The following NCAM1 variants were observed in gnomAD, a reference collection of about 807,000 sequenced individuals.
The protein encoded by NCAM1 is antigen recognized by monoclonal antibody 5.1H11.
In NCAM1, 14 loss-of-function variants were observed where a neutral mutation model predicts 109.8. The ratio of observed to expected loss-of-function variants is 0.13; its 90% CI spans 0.08 to 0.20. The LOEUF is 0.20. Among genes scored for constraint, NCAM1 ranks in the 10% least tolerant of loss-of-function variants. NCAM1 has a pLI of 1.00. For synonymous variants in NCAM1, 418 were observed against 442.9 expected (o/e 0.94, Z 0.70); for missense variants, 774 against 1,109.9 (o/e 0.70, Z 4.30).
At chr11:113,185,446 T>C (rs1943480134) in intron 1 of NCAM1, among the ~76,000 whole-genome samples, 1 of 152,158 alleles carries the variant, frequency 6.6e-6, no homozygotes, top group Admixed American at 6.5e-5. Flanking sequence ...GTTAATCTCA[T>C]TCAGAAACAC....
chr11:113,008,016 G>T (rs1166115280), intron 1 of NCAM1, among the ~76,000 whole-genome samples: 1 of 152,090 alleles, frequency 6.6e-6, no homozygotes, highest in Non-Finnish European at 1.5e-5. Context: ...AAGTAATAAG[G>T]CACCGTGTCA....
At position 113,275,309 on chromosome 11, in the gene NCAM1, A is replaced by T. The variant is rs1555126336; in HGVS notation, c.2499A>T (p.Glu833Asp). The T allele has an allele frequency of 1.2e-6, 2 of 1,613,698 alleles. No homozygotes were observed. Among genetic ancestry groups the T allele is most frequent in the African/African-American group, 2.7e-5 (2 of 74,892 alleles). The change falls in exon 20 of 20, where the codon GAA becomes GAT. Residue 833 changes from glutamate (E) to aspartate (D), a missense_variant. Glu to Asp is a conservative substitution (Grantham distance 45). Transcript: ENST00000316851. The part of the protein sequence containing the change: ...VEAKPECQET[E>D]TKPAPAEVKT... ...CAAAGCCAGAGTGCCAGGAGACAGA[A>T]ACGAAGCCAGCGCCAGCCGAAGTCA... is the stretch of plus-strand genomic sequence containing the variant.
At position 113,273,792 on chromosome 11, in the gene NCAM1, G is replaced by A. The variant is rs1555126015; in HGVS notation, c.2457-1475G>A. Reference sequence around the variant, plus strand: ...TGCTGTCATCGGGTTGTGTCCTGTGGTGGTGTGCATTTGTGCTGTGCTGTG... The same window carrying A: ...TGCTGTCATCGGGTTGTGTCCTGTGATGGTGTGCATTTGTGCTGTGCTGTG... On this transcript the variant is annotated intron_variant, in intron 19 of 19. Transcript: ENST00000316851. The surrounding 1 kb of genome is among the most constrained non-coding windows in gnomAD (Gnocchi z 6.0). The A allele has an allele frequency of 2.5e-6, 1 of 394,986 alleles. No individual in the cohort carries two copies. Among genetic ancestry groups the A allele is most frequent in the African/African-American group, 2.1e-5 (1 of 48,294 alleles). 24.5% of individuals were successfully genotyped at this position (394,986 alleles called of 1,614,324 possible).
At chr11:113,216,651 TC>T (rs530663945) in intron 8 of NCAM1, among the ~76,000 whole-genome samples, 178 of 152,338 alleles carry the variant, frequency 1.2e-3, no homozygotes, top group African/African-American at 3.7e-3. Context: ...GTATTGTATT[TC>T]TTTTACTTGC....
intron 1 of NCAM1, among the ~76,000 whole-genome samples, chr11:113,187,764 C>G (rs1591398437): frequency 6.6e-6 from 1 of 152,094 alleles, no homozygotes; most frequent in African/African-American, 2.4e-5. Flanking sequence ...GCAACAGATT[C>G]GTTGTACCAG....
intron 1 of NCAM1, among the ~76,000 whole-genome samples, chr11:113,075,018 G>A (rs1938465760): frequency 6.6e-6 from 1 of 152,134 alleles, no homozygotes; most frequent in African/African-American, 2.4e-5. Context: ...TAGCACCTGT[G>A]TAAAAAGAGC....
chr11:113,272,543 GA>G (rs1946305139), intron 19 of NCAM1, among the ~76,000 whole-genome samples: 1 of 152,132 alleles, frequency 6.6e-6, no homozygotes, highest in South Asian at 2.1e-4. Context: ...TGGGACCTGG[GA>G]AGCCTAGAGC....
chr11:113,134,568 G>T (rs1366994361), intron 1 of NCAM1, among the ~76,000 whole-genome samples: 1 of 152,082 alleles, frequency 6.6e-6, no homozygotes, highest in African/African-American at 2.4e-5. Flanking sequence ...AGCATTAGTG[G>T]CTCCTTAAGG....
At chr11:113,243,823 A>G (rs1303142982) in intron 14 of NCAM1, 2 of 235,530 alleles carry the variant, frequency 8.5e-6, no homozygotes, top group East Asian at 1.8e-4. Flanking sequence ...TCCCCGGGCC[A>G]AGCTTTCCAA....
At position 113,224,151 on chromosome 11, in the gene NCAM1, A is replaced by C. The variant is rs1413033488; in HGVS notation, c.1089+2826A>C. On this transcript the variant is annotated intron_variant, in intron 9 of 19. Coordinates refer to ENST00000316851, the MANE Select transcript of NCAM1 (RefSeq NM_181351.5). ...GGGCGAGGCATCACCTCACCTGGGA[A>C]GCACAAGGGGTCAGGGAATTCCCTT... is the stretch of plus-strand genomic sequence containing the variant. Among the ~76,000 whole-genome samples, 6 of 152,352 alleles carry C rather than the reference A, an allele frequency of 3.9e-5. No homozygotes were observed. In the East Asian group the frequency reaches 9.6e-4, roughly 25 times the overall value.
intron 1 of NCAM1, among the ~76,000 whole-genome samples, chr11:113,114,273 C>A (rs1379378352): frequency 2.6e-5 from 4 of 152,174 alleles, no homozygotes; most frequent in Non-Finnish European, 2.9e-5. Context: ...CAGAGCATTG[C>A]AGAGGGGAAC....
At chr11:113,252,405 CAAA>C (rs58848352) in intron 15 of NCAM1, among the ~76,000 whole-genome samples, 15 of 84,726 alleles carry the variant, frequency 1.8e-4, no homozygotes, top group Admixed American at 3.7e-4. Flanking sequence ...GACCCTGTCT[CAAA>C]AAAAAAAAAA....
At position 113,142,663 on chromosome 11, in the gene NCAM1, G is replaced by A. The variant is rs143926573; in HGVS notation, c.53-59716G>A. On this transcript the variant is annotated intron_variant, in intron 1 of 19. Transcript: ENST00000316851. ...TTTGACTGCAGTCCCCCTTTGCTGTGTTTATCTGTGCTGGTTGGAGAATCA... is the reference window on the plus strand; with the variant it reads ...TTTGACTGCAGTCCCCCTTTGCTGTATTTATCTGTGCTGGTTGGAGAATCA... Among the ~76,000 whole-genome samples the A allele has an allele frequency of 4.4e-4, 67 of 152,226 alleles. 1 individual carries two copies. Among genetic ancestry groups the A allele is most frequent in the African/African-American group, 1.5e-3 (61 of 41,540 alleles).
rs1555073910 is a variant in NCAM1, at chr11:113,009,312, G to GTTTTTTTGTTGTTTTTTTTT, written c.52+47655_52+47656insGTTGTTTTTTTTTTTTTTTT. On this transcript the variant is annotated intron_variant, in intron 1 of 19. Coordinates refer to ENST00000316851, the MANE Select transcript of NCAM1 (RefSeq NM_181351.5). ...GATTTAATTGGAAGGGTTTTTTCGG[G>GTTTTTTTGTTGTTTTTTTTT]TTTTTTTTTTTTTTTTTTTTTTTTT... Among the ~76,000 whole-genome samples, 25 of 79,676 alleles carry GTTTTTTTGTTGTTTTTTTTT rather than the reference G, an allele frequency of 3.1e-4. 1 individual carries two copies. The highest frequency in any genetic ancestry group is 1.0e-3 in the East Asian group (2 of 1,916). The allele number at this position is 79,676 out of a possible 152,430, so 52.3% of individuals were successfully genotyped here. A position where few individuals can be genotyped will look rare whatever the true frequency, so the allele number is the denominator to read the frequency against.
intron 19 of NCAM1, chr11:113,272,782 C>T: frequency 2.6e-6 from 1 of 386,916 alleles, no homozygotes; most frequent in South Asian, 1.9e-5. Context: ...TCTCAGCATC[C>T]TTCTCTCTCT....
intron 16 of NCAM1, among the ~76,000 whole-genome samples, chr11:113,259,343 G>A (rs1199499743): frequency 3.9e-5 from 6 of 152,092 alleles, no homozygotes; most frequent in South Asian, 2.1e-4. Flanking sequence ...GAGCCACCGC[G>A]CCCGGCCATA....
chr11:113,215,529 G>A (rs545655447), intron 8 of NCAM1, among the ~76,000 whole-genome samples: 28 of 152,272 alleles, frequency 1.8e-4, no homozygotes, highest in Admixed American at 1.3e-3. Context: ...AATAAAGCCC[G>A]AAAGGATAGT....
intron 1 of NCAM1, among the ~76,000 whole-genome samples, chr11:113,085,222 T>C (rs1555088022): frequency 6.6e-6 from 1 of 152,234 alleles, no homozygotes; most frequent in East Asian, 1.9e-4. Context: ...TGCAAACAGC[T>C]GTACCAGGTG....
intron 8 of NCAM1, among the ~76,000 whole-genome samples, chr11:113,220,194 T>TAAA (rs1255367006): frequency 3.3e-5 from 5 of 152,036 alleles, no homozygotes; most frequent in Non-Finnish European, 7.4e-5. Flanking sequence ...GCTGGAGAAA[T>TAAA]AAAAAAATCT....
Sources: gnomAD v4.1 joint callset for allele counts (sites outside exome capture counted in the v4.1 genomes callset) on GRCh38, gnomAD v4.1.1 for gene constraint, Gnocchi (gnomAD v3.1) non-coding constraint, MANE v1.5 for transcripts, NCBI Gene and HGNC (gene_info 2026-07-23, HGNC 2026-07-21) for gene names.